The following CSTPP1 variants were observed in gnomAD, a reference collection of about 807,000 sequenced individuals.
The protein encoded by CSTPP1 is UPF0705 protein C11orf49.
chr11:47,119,589 A>T, the CSTPP1 span, among the ~76,000 whole-genome samples: 1 of 147,048 alleles, frequency 6.8e-6, no homozygotes, highest in Non-Finnish European at 1.5e-5. Flanking sequence ...CCATCTTGGA[A>T]CACTGCCCAC....
At chr11:47,060,921 A>G in the CSTPP1 span, among the ~76,000 whole-genome samples, 2 of 152,220 alleles carry the variant, frequency 1.3e-5, no homozygotes, top group African/African-American at 4.8e-5. Context: ...ACCCGTTAGG[A>G]GACTACTACA....
chr11:46,994,442 T>C, the CSTPP1 span, among the ~76,000 whole-genome samples: 1 of 152,340 alleles, frequency 6.6e-6, no homozygotes, highest in South Asian at 2.1e-4. Flanking sequence ...TATTTTGAGA[T>C]ACACCCCGTC....
the CSTPP1 span, among the ~76,000 whole-genome samples, chr11:46,992,244 TA>T: frequency 6.6e-6 from 1 of 151,978 alleles, no homozygotes; most frequent in Non-Finnish European, 1.5e-5. Flanking sequence ...TATTTATTAT[TA>T]TTTTTTATTA....
the CSTPP1 span, among the ~76,000 whole-genome samples, chr11:47,062,220 T>C: frequency 6.6e-6 from 1 of 152,196 alleles, no homozygotes; most frequent in Non-Finnish European, 1.5e-5. Context: ...TTATTAAAAT[T>C]ATAAACTTTA....
At chr11:47,014,996 GAC>G in the CSTPP1 span, among the ~76,000 whole-genome samples, 1 of 152,002 alleles carries the variant, frequency 6.6e-6, no homozygotes, top group East Asian at 1.9e-4. Context: ...AGAGAGAAAA[GAC>G]ACAAATTACC....
chr11:47,101,262 C>G, the CSTPP1 span, among the ~76,000 whole-genome samples: 1 of 144,496 alleles, frequency 6.9e-6, no homozygotes, highest in Non-Finnish European at 1.5e-5. Context: ...CTCAGGTGAT[C>G]CGCCCACCTC....
the CSTPP1 span, among the ~76,000 whole-genome samples, chr11:47,060,642 C>A: frequency 6.6e-6 from 1 of 151,928 alleles, no homozygotes. Context: ...ACTTTGGGGA[C>A]CCGGGGAAAG....
At chr11:47,008,995 C>A in the CSTPP1 span, among the ~76,000 whole-genome samples, 5 of 151,546 alleles carry the variant, frequency 3.3e-5, no homozygotes, top group South Asian at 1.0e-3. Context: ...CACACCACTG[C>A]ACTCCAGCCT....
chr11:47,057,709 A>G, the CSTPP1 span, among the ~76,000 whole-genome samples: 4 of 152,176 alleles, frequency 2.6e-5, no homozygotes, highest in Admixed American at 6.6e-5. Flanking sequence ...CAAGAGAGGA[A>G]GAAGTTGTTC....
At chr11:47,143,832 T>C in the CSTPP1 span, among the ~76,000 whole-genome samples, 1 of 152,228 alleles carries the variant, frequency 6.6e-6, no homozygotes, top group African/African-American at 2.4e-5. Context: ...TGAGCCTGTT[T>C]CCTCACTTGT....
the CSTPP1 span, among the ~76,000 whole-genome samples, chr11:47,032,969 C>T: frequency 3.9e-5 from 6 of 151,926 alleles, no homozygotes; most frequent in Non-Finnish European, 8.8e-5. Flanking sequence ...ATACTGTATT[C>T]CTACAACAAA....
At chr11:46,939,861 CT>C in the CSTPP1 span, among the ~76,000 whole-genome samples, 2 of 151,894 alleles carry the variant, frequency 1.3e-5, no homozygotes, top group African/African-American at 2.4e-5. Flanking sequence ...ATTTCCGTTT[CT>C]TTTGTTTTTT....
the CSTPP1 span, chr11:47,161,472 A>C: frequency 6.2e-7 from 1 of 1,613,866 alleles, no homozygotes; most frequent in Non-Finnish European, 8.5e-7. Context: ...AGGCTGGCCC[A>C]GGTCCCAGGC....
the CSTPP1 span, among the ~76,000 whole-genome samples, chr11:47,008,770 C>T: frequency 6.6e-6 from 1 of 152,052 alleles, no homozygotes; most frequent in Non-Finnish European, 1.5e-5. Flanking sequence ...ATTTCCCTGG[C>T]TCATGCCTCC....
the CSTPP1 span, among the ~76,000 whole-genome samples, chr11:47,147,101 T>C: frequency 6.6e-5 from 10 of 152,214 alleles, no homozygotes; most frequent in African/African-American, 2.4e-4. Flanking sequence ...AAATGGTATC[T>C]GTAATGCTGC....
the CSTPP1 span, among the ~76,000 whole-genome samples, chr11:47,158,530 G>GGTTTTTT: frequency 6.6e-6 from 1 of 151,922 alleles, no homozygotes; most frequent in African/African-American, 2.4e-5. Flanking sequence ...TACAGTTTAA[G>GGTTTTTT]GTTTTTTGTT....
At chr11:46,973,334 T>G in the CSTPP1 span, among the ~76,000 whole-genome samples, 1 of 152,182 alleles carries the variant, frequency 6.6e-6, no homozygotes, top group Non-Finnish European at 1.5e-5. Flanking sequence ...CATTTATACT[T>G]TCTGGAAAAT....
the CSTPP1 span, among the ~76,000 whole-genome samples, chr11:47,105,020 ATC>A: frequency 2.6e-5 from 4 of 152,224 alleles, no homozygotes; most frequent in African/African-American, 9.6e-5. Context: ...CCAGGGTTTG[ATC>A]TCTCATTGCC....
At chr11:47,138,979 CAAAAAAAAAAAA>C in the CSTPP1 span, among the ~76,000 whole-genome samples, 18 of 40,898 alleles carry the variant, frequency 4.4e-4, no homozygotes, top group African/African-American at 1.5e-3. Context: ...GACTCCGTCT[CAAAAAAAAAAAA>C]AAAAAAAAAA....
Sources: gnomAD v4.1 joint callset for allele counts (sites outside exome capture counted in the v4.1 genomes callset) on GRCh38, gnomAD v4.1.1 for gene constraint, MANE v1.5 for transcripts, NCBI Gene and HGNC (gene_info 2026-07-23, HGNC 2026-07-21) for gene names.